Variants in CMIP observed in about 807,000 individuals in gnomAD.
CMIP encodes c-Maf inducing protein, also known as C-Maf-inducing protein.
A neutral mutation model predicts 97.3 loss-of-function variants in CMIP; 13 were observed. The observed-to-expected ratio is 0.13, with a 90% CI of 0.09 to 0.21. The LOEUF is 0.21. Among genes scored for constraint, CMIP ranks in the 10% least tolerant of loss-of-function variants. The pLI is 1.00. For missense variants in CMIP, 847 were observed against 1,024.9 expected (o/e 0.83, Z 2.37); for synonymous variants, 538 against 436.3 (o/e 1.23, Z -2.91).
intron 1 of CMIP, among the ~76,000 whole-genome samples, chr16:81,448,647 C>T (rs1255559306): frequency 3.9e-5 from 6 of 152,236 alleles, no homozygotes; most frequent in Non-Finnish European, 8.8e-5. Context: ...CCTTGCAGAG[C>T]CAACAGCGTG....
At chr16:81,696,709 T>C in intron 14 of CMIP, 42 bp downstream of exon 14, 1 of 1,569,072 alleles carries the variant, frequency 6.4e-7, no homozygotes, top group Non-Finnish European at 8.6e-7. Context: ...CAGGGGTCCC[T>C]GGGCTTGCCA....
chr16:81,497,855 G>GCAGCAAAGAAAGCTCCTTCTGCCCA (rs2089520761), intron 1 of CMIP, among the ~76,000 whole-genome samples: 1 of 152,116 alleles, frequency 6.6e-6, no homozygotes, highest in Non-Finnish European at 1.5e-5. Flanking sequence ...CCTTCTGCCC[G>GCAGCAAAGAAAGCTCCTTCTGCCCA]TGCAGCGTGG....
intron 1 of CMIP, among the ~76,000 whole-genome samples, chr16:81,598,827 G>A (rs1012190653): frequency 6.6e-6 from 1 of 152,066 alleles, no homozygotes. Context: ...AAATTATCTG[G>A]GCGTGGTGTT....
In CMIP at chr16:81,444,884, G is replaced by T. The variant is rs1235792739; in HGVS notation, c.-358G>T. Among the ~76,000 whole-genome samples the T allele has an allele frequency of 1.1e-5, 1 of 88,022 alleles. No homozygotes were observed. Among genetic ancestry groups the T allele is most frequent in the Non-Finnish European group, 2.4e-5 (1 of 41,452 alleles). 57.7% of individuals were successfully genotyped at this position (88,022 alleles called of 152,430 possible). ...CGGCGCGGGGCCCCGAGACACGCCC[G>T]CCCCCACCCCGCCGCCCCCACCCCG... On this transcript the variant is annotated 5_prime_UTR_variant, in exon 1 of 21. Transcript: ENST00000537098.
At chr16:81,543,729 G>A (rs1362058919) in intron 1 of CMIP, among the ~76,000 whole-genome samples, 2 of 152,198 alleles carry the variant, frequency 1.3e-5, no homozygotes, top group African/African-American at 4.8e-5. Flanking sequence ...AAAGGATGGG[G>A]ATTTAATTTT....
intron 1 of CMIP, among the ~76,000 whole-genome samples, chr16:81,471,856 A>T (rs552490702): frequency 2.0e-5 from 3 of 152,332 alleles, no homozygotes; most frequent in Non-Finnish European, 4.4e-5. Flanking sequence ...AACTGGACAG[A>T]GGGAGGACTC....
Position 81,655,549 on chromosome 16 carries a change from G to C in CMIP, c.640-2226G>C, listed in dbSNP as rs981751876. ...ACCAGGGGTGGAAAATGGCCCTGGGGGAGAGAAGGCTCCCTGTAGAATGCA... is the reference window on the plus strand; with the variant it reads ...ACCAGGGGTGGAAAATGGCCCTGGGCGAGAGAAGGCTCCCTGTAGAATGCA... On this transcript the variant is annotated intron_variant, in intron 4 of 20. Coordinates refer to ENST00000537098, the MANE Select transcript of CMIP (RefSeq NM_198390.3). The surrounding 1 kb of genome is among the most constrained non-coding windows in gnomAD (Gnocchi z 4.9). Among the ~76,000 whole-genome samples, 1 of 152,212 alleles carries C rather than the reference G, an allele frequency of 6.6e-6. No individual in the cohort carries two copies. Among genetic ancestry groups the C allele is most frequent in the Non-Finnish European group, 1.5e-5 (1 of 68,036 alleles).
intron 1 of CMIP, among the ~76,000 whole-genome samples, chr16:81,472,151 G>A (rs541814235): frequency 3.3e-5 from 5 of 152,268 alleles, no homozygotes; most frequent in South Asian, 4.1e-4. Context: ...ATCCTCACCC[G>A]CCATCTTTGA....
intron 1 of CMIP, among the ~76,000 whole-genome samples, chr16:81,577,149 A>G (rs2091204934): frequency 6.8e-6 from 1 of 146,232 alleles, no homozygotes; most frequent in Non-Finnish European, 1.5e-5. Context: ...CACCACCATC[A>G]TCCCCATTAC....
intron 10 of CMIP, among the ~76,000 whole-genome samples, chr16:81,687,112 C>T (rs1905487168): frequency 6.6e-6 from 1 of 152,238 alleles, no homozygotes; most frequent in Non-Finnish European, 1.5e-5. Flanking sequence ...GGAGACTCAA[C>T]ATCCCTTCTG....
chr16:81,607,997 A>T (rs1263278327), intron 2 of CMIP, among the ~76,000 whole-genome samples: 1 of 152,242 alleles, frequency 6.6e-6, no homozygotes, highest in Non-Finnish European at 1.5e-5. Flanking sequence ...ACAGATGAGG[A>T]AACTGAGGCA....
intron 3 of CMIP, among the ~76,000 whole-genome samples, chr16:81,642,789 G>A (rs1597184909): frequency 2.0e-5 from 3 of 152,266 alleles, no homozygotes; most frequent in South Asian, 2.1e-4. Context: ...CCAGCTACTC[G>A]GGAGGCGGAG....
chr16:81,704,991 C>T (rs1402991741), intron 18 of CMIP, among the ~76,000 whole-genome samples: 2 of 152,058 alleles, frequency 1.3e-5, no homozygotes, highest in African/African-American at 2.4e-5. Context: ...ATAGTAACAC[C>T]AGTGGCTGCT....
At chr16:81,605,309 C>T (rs543345785) in intron 1 of CMIP, among the ~76,000 whole-genome samples, 86 of 152,300 alleles carry the variant, frequency 5.6e-4, no homozygotes, top group African/African-American at 2.0e-3. Flanking sequence ...CCAGGGGGTC[C>T]TCTGAGGGGT....
chr16:81,708,620 G>A (rs944228187), intron 20 of CMIP, among the ~76,000 whole-genome samples: 2 of 152,242 alleles, frequency 1.3e-5, no homozygotes, highest in Non-Finnish European at 2.9e-5. Flanking sequence ...GCAGCTGCCT[G>A]TCCTTTGGAG....
At chr16:81,459,728 G>A (rs929664137) in intron 1 of CMIP, among the ~76,000 whole-genome samples, 5 of 152,206 alleles carry the variant, frequency 3.3e-5, no homozygotes, top group Non-Finnish European at 7.3e-5. Flanking sequence ...TGTGCTCTCT[G>A]GATTTTATAG....
At chr16:81,637,050 C>T (rs147980559) in intron 3 of CMIP, among the ~76,000 whole-genome samples, 18 of 152,154 alleles carry the variant, frequency 1.2e-4, no homozygotes, top group African/African-American at 4.1e-4. Flanking sequence ...TATTGATGGA[C>T]ATTTAGGGGG....
chr16:81,648,565 C>T (rs538951426), intron 3 of CMIP, among the ~76,000 whole-genome samples: 2 of 152,038 alleles, frequency 1.3e-5, no homozygotes, highest in African/African-American at 2.4e-5. Context: ...GGGTGGATCA[C>T]GTGAGATCAG....
intron 3 of CMIP, among the ~76,000 whole-genome samples, chr16:81,638,004 C>G (rs970431693): frequency 2.0e-5 from 3 of 152,104 alleles, no homozygotes; most frequent in Admixed American, 6.5e-5. Context: ...ACTAATCACC[C>G]CCACGAGGCC....
Sources: gnomAD v4.1 joint callset for allele counts (sites outside exome capture counted in the v4.1 genomes callset) on GRCh38, gnomAD v4.1.1 for gene constraint, Gnocchi (gnomAD v3.1) non-coding constraint, MANE v1.5 for transcripts, NCBI Gene and HGNC (gene_info 2026-07-23, HGNC 2026-07-21) for gene names.